Variants in CSTL1 observed in about 807,000 individuals in gnomAD.
CSTL1 encodes cystatin-like 1.
In CSTL1, 14 loss-of-function variants were observed where a neutral mutation model predicts 14.4. The ratio of observed to expected loss-of-function variants is 0.97; its 90% CI spans 0.64 to 1.52. The LOEUF is 1.52. Ranked by LOEUF, CSTL1 falls within the 40% of genes most tolerant of loss-of-function variation. The pLI is 0.00. For missense variants in CSTL1, 170 were observed against 168.7 expected (o/e 1.01, Z -0.04); for synonymous variants, 72 against 67.5 (o/e 1.07, Z -0.33).
chr20:23,454,411 C>A, the CSTL1 span, among the ~76,000 whole-genome samples: 17 of 152,076 alleles, frequency 1.1e-4, no homozygotes, highest in African/African-American at 3.6e-4. Context: ...CACACCCCCC[C>A]ACGCATACAT....
downstream of CSTL1, among the ~76,000 whole-genome samples, chr20:23,446,447 AG>A (rs1215355758): frequency 6.6e-6 from 1 of 151,968 alleles, no homozygotes; most frequent in Non-Finnish European, 1.5e-5. Flanking sequence ...TAGTAGAGAC[AG>A]GGTTTCACCA....
chr20:23,458,880 C>T, the CSTL1 span, among the ~76,000 whole-genome samples: 1 of 152,098 alleles, frequency 6.6e-6, no homozygotes, highest in East Asian at 1.9e-4. Context: ...ACCATTTGGC[C>T]TCTTCTCTCC....
At chr20:23,457,267 T>C in the CSTL1 span, among the ~76,000 whole-genome samples, 1 of 152,128 alleles carries the variant, frequency 6.6e-6, no homozygotes, top group African/African-American at 2.4e-5. Flanking sequence ...CAGTCACCAC[T>C]AGCTTGGGCG....
chr20:23,458,440 T>C, the CSTL1 span: 4 of 152,262 alleles, frequency 2.6e-5, no homozygotes, highest in Non-Finnish European at 5.9e-5. Context: ...TGAATGTTCC[T>C]GCCCTGCTAA....
At chr20:23,455,396 T>A in the CSTL1 span, among the ~76,000 whole-genome samples, 1 of 152,240 alleles carries the variant, frequency 6.6e-6, no homozygotes, top group Admixed American at 6.5e-5. Flanking sequence ...ACAGTATTTA[T>A]GAAATTTTGT....
the CSTL1 span, among the ~76,000 whole-genome samples, chr20:23,451,124 C>T: frequency 1.1e-4 from 17 of 152,164 alleles, no homozygotes; most frequent in African/African-American, 4.1e-4. Context: ...TTCCATTTAT[C>T]CCTCCTTCCA....
chr20:23,440,671 T>C (rs993061734), intron 2 of CSTL1, 185 bp downstream of exon 2: 5 of 694,616 alleles, frequency 7.2e-6, no homozygotes, highest in Non-Finnish European at 1.3e-5. Context: ...TCCTTAGCCA[T>C]GCTTCCAAAA....
At chr20:23,458,887 C>T in the CSTL1 span, among the ~76,000 whole-genome samples, 1 of 152,124 alleles carries the variant, frequency 6.6e-6, no homozygotes, top group African/African-American at 2.4e-5. Context: ...GGCCTCTTCT[C>T]TCCATTAAAG....
the CSTL1 span, chr20:23,451,702 T>C: frequency 1.3e-6 from 1 of 751,388 alleles, no homozygotes; most frequent in Non-Finnish European, 2.2e-6. Flanking sequence ...CCATGCATTC[T>C]TTTCAAGCCA....
chr20:23,449,240 C>T (rs909529796), downstream of CSTL1, among the ~76,000 whole-genome samples: 4 of 152,070 alleles, frequency 2.6e-5, no homozygotes, highest in African/African-American at 7.2e-5. Context: ...ATTTGTGCAC[C>T]GTCTCTGCCG....
chr20:23,450,402 CT>C, the CSTL1 span: 9 of 705,548 alleles, frequency 1.3e-5, 1 homozygote, highest in Middle Eastern at 1.0e-3. Context: ...GAATCACGAT[CT>C]TAAGAGAATA....
At chr20:23,457,108 GT>G in the CSTL1 span, among the ~76,000 whole-genome samples, 1 of 152,188 alleles carries the variant, frequency 6.6e-6, no homozygotes, top group Non-Finnish European at 1.5e-5. Flanking sequence ...CCGGCTGCCG[GT>G]TGCTCTTGTC....
At chr20:23,441,526 T>C (rs957384541) in intron 2 of CSTL1, among the ~76,000 whole-genome samples, 2 of 152,200 alleles carry the variant, frequency 1.3e-5, no homozygotes, top group African/African-American at 2.4e-5. Flanking sequence ...TCTGAAGTCT[T>C]TTATGTAAAA....
chr20:23,447,241 T>C (rs1365390331), downstream of CSTL1, among the ~76,000 whole-genome samples: 3 of 152,250 alleles, frequency 2.0e-5, no homozygotes, highest in Non-Finnish European at 4.4e-5. Context: ...TATATTCTTT[T>C]GTTTCTGGCT....
chr20:23,456,966 CCTTAA>C, the CSTL1 span, among the ~76,000 whole-genome samples: 1 of 152,168 alleles, frequency 6.6e-6, no homozygotes, highest in African/African-American at 2.4e-5. Flanking sequence ...ATCCTAAGAT[CCTTAA>C]CTTAATCACA....
At chr20:23,446,296 G>A (rs959741262), downstream of CSTL1, among the ~76,000 whole-genome samples, 1 of 149,192 alleles carries the variant, frequency 6.7e-6, no homozygotes, top group Non-Finnish European at 1.5e-5. Context: ...TCGCTCTGTC[G>A]CCAGGCTGGA....
At chr20:23,444,293 C>T (rs186867315) in intron 3 of CSTL1, among the ~76,000 whole-genome samples, 31 of 152,350 alleles carry the variant, frequency 2.0e-4, no homozygotes, top group Non-Finnish European at 2.6e-4. Context: ...AGACCCTCTG[C>T]GTGAAAGCAG....
the CSTL1 span, among the ~76,000 whole-genome samples, chr20:23,461,163 G>T: frequency 6.6e-6 from 1 of 152,122 alleles, no homozygotes; most frequent in Non-Finnish European, 1.5e-5. Context: ...CTCACTGAAG[G>T]CACAGATTGT....
Position 23,440,200 on chromosome 20 carries a change from G to A in CSTL1, c.-68G>A. ...TGAGGGTTATGATGGGAGAATGAGT[G>A]AACTGCAGCCTGGCACCACCACACC... On this transcript the variant is annotated 5_prime_UTR_variant, in exon 2 of 4. Transcript: ENST00000347397. The A allele has an allele frequency of 6.5e-7, 1 of 1,528,784 alleles. No individual in the cohort carries two copies. The highest frequency in any genetic ancestry group is 9.0e-7 in the Non-Finnish European group (1 of 1,107,082). The allele number at this position is 1,528,784 out of a possible 1,614,324, so 94.7% of individuals were successfully genotyped here.
Sources: gnomAD v4.1 joint callset for allele counts (sites outside exome capture counted in the v4.1 genomes callset) on GRCh38, gnomAD v4.1.1 for gene constraint, MANE v1.5 for transcripts, NCBI Gene and HGNC (gene_info 2026-07-23, HGNC 2026-07-21) for gene names.